NRXN1: variants seen among roughly 807,000 people sequenced by gnomAD.
The protein encoded by NRXN1 is neurexin 1, also known as neurexin-1.
A neutral mutation model predicts 150.9 loss-of-function variants in NRXN1; 39 were observed. The observed-to-expected ratio is 0.26, with a 90% confidence interval of 0.20 to 0.34. NRXN1 has a LOEUF of 0.34. Ranked by LOEUF, NRXN1 falls within the 10% of genes least tolerant of loss-of-function variation. The pLI is 1.00. For synonymous variants in NRXN1, 924 were observed against 757.0 expected, an observed-to-expected ratio of 1.22 and a Z score of -3.62; for missense variants, 1,815 against 1,949.9, an observed-to-expected ratio of 0.93 and a Z score of 1.30.
Position 50,863,709 on chromosome 2 carries a change from A to G in NRXN1, c.832+58160T>C, listed in dbSNP as rs148881610. ...TACAGCTTCCCCTCCTCTCCCTATT[A>G]TTGTGATTTCCAAATGAATGGCATT... On this transcript the variant is annotated intron_variant, in intron 5 of 22. Transcript: ENST00000401669. Among the ~76,000 whole-genome samples the G allele has an allele frequency of 3.0e-4, 46 of 152,018 alleles. 1 individual carries two copies. Among genetic ancestry groups the G allele is most frequent in the African/African-American group, 1.1e-3 (45 of 41,498 alleles).
chr2:50,844,622 G>A (rs1673367533), intron 5 of NRXN1, among the ~76,000 whole-genome samples: 1 of 152,192 alleles, frequency 6.6e-6, no homozygotes, highest in Non-Finnish European at 1.5e-5. Flanking sequence ...GACTGTTCTA[G>A]TAAAAAGTAT....
At chr2:51,014,597 G>A (rs1247770218) in intron 2 of NRXN1, among the ~76,000 whole-genome samples, 1 of 151,930 alleles carries the variant, frequency 6.6e-6, no homozygotes, top group African/African-American at 2.4e-5. Flanking sequence ...AGGGTGTGGA[G>A]GATATACAGT....
chr2:50,257,252 T>G (rs1169676468), intron 17 of NRXN1, among the ~76,000 whole-genome samples: 1 of 152,208 alleles, frequency 6.6e-6, no homozygotes, highest in African/African-American at 2.4e-5. Flanking sequence ...AATAGTAAAC[T>G]GAGGTTACCT....
intron 21 of NRXN1, among the ~76,000 whole-genome samples, chr2:49,964,678 A>G (rs1676631876): frequency 6.6e-6 from 1 of 151,854 alleles, no homozygotes; most frequent in African/African-American, 2.4e-5. Flanking sequence ...TGTCTCTACT[A>G]AAAATACGAA....
intron 7 of NRXN1, 72 bp from the exon 8 acceptor site, chr2:50,620,255 T>C: frequency 6.9e-7 from 1 of 1,457,282 alleles, no homozygotes; most frequent in African/African-American, 1.4e-5. Context: ...GATATGCCTG[T>C]TTTGTGTTTT....
chr2:50,464,001 G>T (rs907799485), intron 17 of NRXN1: 1 of 151,586 alleles, frequency 6.6e-6, no homozygotes, highest in African/African-American at 2.4e-5. Flanking sequence ...AGGAACAAAT[G>T]CAGGAAGTAA....
intron 17 of NRXN1, among the ~76,000 whole-genome samples, chr2:50,397,039 C>T (rs79287573): frequency 0.015 from 2,237 of 152,046 alleles, 55 homozygotes; most frequent in African/African-American, 0.049. Context: ...CTGACTCTCC[C>T]GAAGATGGTC....
chr2:50,538,987 T>C (rs187672929), intron 9 of NRXN1, among the ~76,000 whole-genome samples: 1 of 152,192 alleles, frequency 6.6e-6, no homozygotes, highest in Non-Finnish European at 1.5e-5. Context: ...GAAAGTCAGA[T>C]TCCCCTGGGT....
intron 17 of NRXN1, among the ~76,000 whole-genome samples, chr2:50,267,574 G>C (rs1466178109): frequency 6.6e-6 from 1 of 152,022 alleles, no homozygotes; most frequent in Admixed American, 6.5e-5. Context: ...GCAAATGTTA[G>C]GCTTTTTTCC....
At chr2:50,402,905 A>G (rs887775101) in intron 17 of NRXN1, among the ~76,000 whole-genome samples, 6 of 152,166 alleles carry the variant, frequency 3.9e-5, no homozygotes, top group African/African-American at 1.4e-4. Context: ...AAACATAAGA[A>G]GAGAAGGAGG....
intron 18 of NRXN1, among the ~76,000 whole-genome samples, chr2:50,150,328 C>G (rs946556869): frequency 3.3e-5 from 5 of 151,802 alleles, no homozygotes; most frequent in Admixed American, 6.6e-5. Context: ...GCAATGAACA[C>G]TAACACTTAT....
At chr2:50,136,453 T>A (rs1706424930) in intron 18 of NRXN1, among the ~76,000 whole-genome samples, 1 of 152,174 alleles carries the variant, frequency 6.6e-6, no homozygotes, top group African/African-American at 2.4e-5. Context: ...CTTAATTTTG[T>A]ACTTCATTTA....
intron 18 of NRXN1, among the ~76,000 whole-genome samples, chr2:50,178,747 A>G (rs961436425): frequency 6.6e-6 from 1 of 152,180 alleles, no homozygotes; most frequent in African/African-American, 2.4e-5. Context: ...GCTGTATAAT[A>G]CATACCATAA....
chr2:50,874,213 A>T (rs1678222803), intron 5 of NRXN1, among the ~76,000 whole-genome samples: 1 of 151,882 alleles, frequency 6.6e-6, no homozygotes, highest in African/African-American at 2.4e-5. Context: ...TAGGATTTTC[A>T]CTTATCCAAC....
At position 50,053,322 on chromosome 2, in the gene NRXN1, A is replaced by C. The variant is rs1167429787; in HGVS notation, c.4077T>G (p.Ala1359=). 1 of 1,613,900 alleles carries C rather than the reference A, an allele frequency of 6.2e-7. No homozygotes were observed. The highest frequency in any genetic ancestry group is 8.5e-7 in the Non-Finnish European group (1 of 1,179,926). ...GCTTTCCTCTTCTGGCTGTGCTAGTAGCCAGGGTCGTGGTAGTCTCCATAA... is the reference window on the plus strand; with the variant it reads ...GCTTTCCTCTTCTGGCTGTGCTAGTCGCCAGGGTCGTGGTAGTCTCCATAA... The part of the protein sequence containing the change: ...TSIMETTTTL[A]TSTARRGKPP... Residue 1359 remains alanine, a synonymous_variant, in exon 21 of 23, where the codon GCT becomes GCG. Coordinates refer to ENST00000401669, the MANE Select transcript of NRXN1 (RefSeq NM_001330078.2).
intron 2 of NRXN1, among the ~76,000 whole-genome samples, chr2:50,928,475 T>C (rs1687250743): frequency 6.6e-6 from 1 of 152,062 alleles, no homozygotes; most frequent in African/African-American, 2.4e-5. Flanking sequence ...TTGGACGTGA[T>C]TATAACTGGT....
At chr2:50,260,469 C>T (rs970974174) in intron 17 of NRXN1, among the ~76,000 whole-genome samples, 1 of 151,690 alleles carries the variant, frequency 6.6e-6, no homozygotes, top group African/African-American at 2.4e-5. Flanking sequence ...GACGGAGACT[C>T]AACACATTTG....
intron 21 of NRXN1, chr2:49,966,751 T>C (rs978519341): frequency 6.6e-6 from 1 of 152,072 alleles, no homozygotes; most frequent in Admixed American, 6.6e-5. Context: ...CTGGGACATG[T>C]TGAATTTGAG....
intron 12 of NRXN1, among the ~76,000 whole-genome samples, chr2:50,519,613 C>T (rs138682537): frequency 6.6e-6 from 1 of 151,952 alleles, no homozygotes; most frequent in African/African-American, 2.4e-5. Flanking sequence ...GTCTCTGTGC[C>T]TGTTTCTGGT....
Sources: allele counts gnomAD v4.1 joint callset (sites outside exome capture counted in the v4.1 genomes callset), GRCh38; gene constraint gnomAD v4.1.1; transcripts MANE v1.5; gene names NCBI Gene and HGNC (gene_info 2026-07-23, HGNC 2026-07-21).